Variants in DTNA observed in about 807,000 individuals in gnomAD.
DTNA encodes dystrobrevin alpha.
DTNA carries 43 observed loss-of-function variants against 100.7 expected under a neutral mutation model. The observed-to-expected ratio is 0.43, with a 90% CI of 0.33 to 0.55. The LOEUF (loss-of-function observed/expected upper bound fraction) is 0.55. DTNA is among the 20% of genes least tolerant of loss of function. The pLI, the probability that DTNA is intolerant of heterozygous loss-of-function variation, is 0.04. For synonymous variants in DTNA, 349 were observed against 347.9 expected, an observed-to-expected ratio of 1.00 and a Z score of -0.04; for missense variants, 798 against 953.9, an observed-to-expected ratio of 0.84 and a Z score of 2.15.
intron 1 of DTNA, among the ~76,000 whole-genome samples, chr18:34,572,496 TA>T (rs1209450680): frequency 1.3e-5 from 2 of 151,944 alleles, no homozygotes; most frequent in African/African-American, 4.8e-5. Context: ...TTTTGCAAAT[TA>T]AAAAAATACA....
intron 2 of DTNA, among the ~76,000 whole-genome samples, chr18:34,756,619 G>A (rs1601521373): frequency 6.6e-6 from 1 of 152,208 alleles, no homozygotes; most frequent in South Asian, 2.1e-4. Flanking sequence ...AAAGATAAAA[G>A]GAGCTTAGAG....
chr18:34,885,180 T>C (rs1263980208), intron 22 of DTNA, among the ~76,000 whole-genome samples: 1 of 152,192 alleles, frequency 6.6e-6, no homozygotes, highest in East Asian at 1.9e-4. Context: ...TTGTTAGTCA[T>C]ACTATACCTC....
At chr18:34,688,731 G>A (rs2079282479) in intron 1 of DTNA, among the ~76,000 whole-genome samples, 1 of 152,114 alleles carries the variant, frequency 6.6e-6, no homozygotes, top group Admixed American at 6.6e-5. Flanking sequence ...ATATCCTGAA[G>A]TGTGTTTTCT....
intron 4 of DTNA, among the ~76,000 whole-genome samples, chr18:34,803,654 G>C (rs9954158): frequency 0.025 from 3,864 of 152,112 alleles, 172 homozygotes; most frequent in African/African-American, 0.088. Flanking sequence ...CTTTACTGTT[G>C]TCATTATTTG....
intron 1 of DTNA, among the ~76,000 whole-genome samples, chr18:34,675,591 T>C (rs896014857): frequency 6.6e-6 from 1 of 152,086 alleles, no homozygotes; most frequent in African/African-American, 2.4e-5. Flanking sequence ...AATAAGAAAA[T>C]GTAATAGGAT....
intron 1 of DTNA, among the ~76,000 whole-genome samples, chr18:34,628,407 C>G (rs1273070868): frequency 6.6e-6 from 1 of 152,188 alleles, no homozygotes; most frequent in East Asian, 1.9e-4. Context: ...CCATAAGGAT[C>G]TTTAGACATG....
At chr18:34,500,443 G>A (rs1308418145) in intron 1 of DTNA, among the ~76,000 whole-genome samples, 1 of 150,156 alleles carries the variant, frequency 6.7e-6, no homozygotes, top group Admixed American at 6.7e-5. Context: ...GTGTGTATGT[G>A]TGTGTGTATA....
chr18:34,733,584 G>A (rs1279958082), intron 1 of DTNA, among the ~76,000 whole-genome samples: 4 of 152,102 alleles, frequency 2.6e-5, no homozygotes, highest in African/African-American at 4.8e-5. Flanking sequence ...GAGTGACTGC[G>A]GTTACCACCA....
chr18:34,602,642 T>A (rs2052130057), intron 1 of DTNA, among the ~76,000 whole-genome samples: 1 of 151,448 alleles, frequency 6.6e-6, no homozygotes, highest in South Asian at 2.1e-4. Context: ...CATGGGAGGA[T>A]CATCAGGCCA....
intron 1 of DTNA, among the ~76,000 whole-genome samples, chr18:34,701,458 G>A (rs1293021625): frequency 6.6e-6 from 1 of 152,018 alleles, no homozygotes; most frequent in Non-Finnish European, 1.5e-5. Flanking sequence ...AGGTCTCCCT[G>A]AGCTGGGGCA....
intron 1 of DTNA, among the ~76,000 whole-genome samples, chr18:34,535,975 A>G (rs1227066189): frequency 6.6e-6 from 1 of 152,108 alleles, no homozygotes; most frequent in African/African-American, 2.4e-5. Context: ...CCTGAAAAAT[A>G]AGTTTACCTC....
At chr18:34,639,337 G>C (rs2059010655) in intron 1 of DTNA, among the ~76,000 whole-genome samples, 1 of 152,154 alleles carries the variant, frequency 6.6e-6, no homozygotes, top group Admixed American at 6.5e-5. Context: ...AACCAAAACT[G>C]TCCCCAGACA....
At chr18:34,511,451 C>A (rs761122925) in intron 1 of DTNA, among the ~76,000 whole-genome samples, 1 of 152,024 alleles carries the variant, frequency 6.6e-6, no homozygotes, top group Admixed American at 6.6e-5. Context: ...AGCTGAAATT[C>A]CTGGGCTCTA....
intron 1 of DTNA, among the ~76,000 whole-genome samples, chr18:34,712,139 A>G (rs973394496): frequency 5.9e-5 from 9 of 152,082 alleles, no homozygotes; most frequent in African/African-American, 2.2e-4. Context: ...AAAATAAAAG[A>G]GGGAAAGAAG....
chr18:34,800,237 T>G (rs1470688273), intron 4 of DTNA, among the ~76,000 whole-genome samples: 1 of 152,218 alleles, frequency 6.6e-6, no homozygotes, highest in Non-Finnish European at 1.5e-5. Context: ...TGCTATGTGG[T>G]AGGTGTTATG....
intron 1 of DTNA, among the ~76,000 whole-genome samples, chr18:34,698,166 G>T (rs1455390965): frequency 6.6e-6 from 1 of 152,166 alleles, no homozygotes; most frequent in Non-Finnish European, 1.5e-5. Flanking sequence ...TCCCCCTGAT[G>T]TGTCAACATT....
In DTNA at chr18:34,882,114, C is replaced by T. The variant is rs975175402; in HGVS notation, c.2208C>T (p.Asn736=). Residue 736 remains asparagine, a synonymous_variant, in exon 21 of 23, where the codon AAC becomes AAT. Coordinates refer to ENST00000444659, the MANE Select transcript of DTNA (RefSeq NM_001386795.1). ...ADPYVQPEDE[N]YENDSVRQLE... ...CCTATGTGCAGCCTGAAGATGAAAA[C>T]TATGAAAATGACTCTGTCCGGCAGC... is the stretch of plus-strand genomic sequence containing the variant. 1.2e-6 allele frequency: 2 copies of T among 1,614,014 alleles called. No individual in the cohort carries two copies. Among genetic ancestry groups the T allele is most frequent in the African/African-American group, 1.3e-5 (1 of 75,014 alleles).
intron 16 of DTNA, among the ~76,000 whole-genome samples, chr18:34,859,246 G>C (rs2096588251): frequency 6.6e-6 from 1 of 152,146 alleles, no homozygotes; most frequent in South Asian, 2.1e-4. Context: ...GTTGTCCAGG[G>C]TCTTGGCATT....
At chr18:34,687,103 C>G (rs560553945) in intron 1 of DTNA, among the ~76,000 whole-genome samples, 7 of 152,154 alleles carry the variant, frequency 4.6e-5, no homozygotes, top group African/African-American at 1.7e-4. Flanking sequence ...CTCCTGGATT[C>G]GTTGATTTTT....
Sources: gnomAD v4.1 joint callset for allele counts (sites outside exome capture counted in the v4.1 genomes callset) on GRCh38, gnomAD v4.1.1 for gene constraint, MANE v1.5 for transcripts, NCBI Gene and HGNC (gene_info 2026-07-23, HGNC 2026-07-21) for gene names.